FAM227B: variants seen among roughly 807,000 people sequenced by gnomAD.
The protein encoded by FAM227B is family with sequence similarity 227 member B.
A neutral mutation model predicts 73.8 loss-of-function variants in FAM227B; 88 were observed. That is an observed-to-expected ratio of 1.19 (90% CI 1.00 to 1.42). The LOEUF is 1.42. Ranked by LOEUF, FAM227B falls within the 40% of genes most tolerant of loss-of-function variation. The pLI, the probability that FAM227B is intolerant of heterozygous loss-of-function variation, is 0.00. For missense variants in FAM227B, 632 were observed against 590.9 expected (o/e 1.07, Z -0.72); for synonymous variants, 210 against 190.5 (o/e 1.10, Z -0.84).
At position 49,350,865 on chromosome 15, in the gene FAM227B, T is replaced by C. The variant is rs114225028; in HGVS notation, c.1272-15369A>G. 6.1e-3 allele frequency among the ~76,000 whole-genome samples: 930 copies of C among 152,232 alleles called. 12 individuals are homozygous for C. The highest frequency in any genetic ancestry group is 0.022 in the African/African-American group (901 of 41,534). On this transcript the variant is annotated intron_variant, in intron 13 of 15. Coordinates refer to ENST00000299338, the MANE Select transcript of FAM227B (RefSeq NM_152647.3). ...GTAGGGATAAATGGGAGTGAATAAG[T>C]ACAAAGGAGAGACTGCTGATAGGCT...
chr15:49,522,136 A>C (rs2059835112), intron 10 of FAM227B, among the ~76,000 whole-genome samples: 1 of 152,204 alleles, frequency 6.6e-6, no homozygotes, highest in Admixed American at 6.5e-5. Context: ...CAGCTACAAC[A>C]GGAGCCATTT....
intron 8 of FAM227B, among the ~76,000 whole-genome samples, chr15:49,569,460 G>C (rs1341146339): frequency 1.3e-5 from 2 of 151,666 alleles, no homozygotes; most frequent in East Asian, 1.9e-4. Context: ...CGGTGTGGTT[G>C]ATTTCAGATC....
At chr15:49,453,529 A>G (rs952930935) in intron 11 of FAM227B, among the ~76,000 whole-genome samples, 1 of 152,322 alleles carries the variant, frequency 6.6e-6, no homozygotes, top group Admixed American at 6.5e-5. Context: ...AGGGTTCAGT[A>G]GCCACATGTG....
intron 4 of FAM227B, among the ~76,000 whole-genome samples, chr15:49,588,816 T>A (rs1028864306): frequency 6.6e-6 from 1 of 150,912 alleles, no homozygotes; most frequent in African/African-American, 2.4e-5. Flanking sequence ...TATAAACTTT[T>A]AAAAATTTAC....
chr15:49,523,357 T>C (rs1228848816), intron 10 of FAM227B, among the ~76,000 whole-genome samples: 1 of 152,128 alleles, frequency 6.6e-6, no homozygotes, highest in Non-Finnish European at 1.5e-5. Flanking sequence ...CAAGATCTGA[T>C]AATTTAAAAA....
chr15:49,460,839 A>C (rs949435595), intron 11 of FAM227B, among the ~76,000 whole-genome samples: 1 of 152,198 alleles, frequency 6.6e-6, no homozygotes, highest in East Asian at 1.9e-4. Flanking sequence ...ATATCAAAGA[A>C]GAACATTGTT....
intron 11 of FAM227B, chr15:49,424,337 C>G: frequency 6.2e-7 from 1 of 1,613,586 alleles, no homozygotes; most frequent in Non-Finnish European, 8.5e-7. Flanking sequence ...GCCAACTTTG[C>G]TCTACAGATC....
chr15:49,501,699 C>A (rs2058149121), intron 11 of FAM227B, among the ~76,000 whole-genome samples: 1 of 152,204 alleles, frequency 6.6e-6, no homozygotes, highest in Non-Finnish European at 1.5e-5. Context: ...GTAGCAATGA[C>A]TTGCTAGAGA....
At chr15:49,360,948 C>T (rs1169256706) in intron 13 of FAM227B, among the ~76,000 whole-genome samples, 1 of 152,144 alleles carries the variant, frequency 6.6e-6, no homozygotes, top group African/African-American at 2.4e-5. Context: ...AATCCTTACA[C>T]ATAGACAATA....
chr15:49,422,956 A>C (rs1254017159), intron 11 of FAM227B: 1 of 361,818 alleles, frequency 2.8e-6, no homozygotes, highest in Non-Finnish European at 5.0e-6. Context: ...TCAAATGAAT[A>C]ATTTTCCAAG....
intron 11 of FAM227B, among the ~76,000 whole-genome samples, chr15:49,447,541 A>G (rs910299088): frequency 6.6e-6 from 1 of 151,704 alleles, no homozygotes; most frequent in Admixed American, 6.6e-5. Context: ...TTGGTAGCAT[A>G]TGCGTTGATG....
intron 8 of FAM227B, among the ~76,000 whole-genome samples, chr15:49,569,810 C>T (rs1034205130): frequency 2.6e-5 from 4 of 151,964 alleles, no homozygotes; most frequent in African/African-American, 9.7e-5. Context: ...GTAACTACTG[C>T]TCTGCTCTCT....
At chr15:49,543,905 G>C (rs775516063) in intron 9 of FAM227B, among the ~76,000 whole-genome samples, 2 of 152,098 alleles carry the variant, frequency 1.3e-5, no homozygotes, top group Non-Finnish European at 2.9e-5. Flanking sequence ...ACATAGCCTT[G>C]TAGTATAGTT....
intron 13 of FAM227B, among the ~76,000 whole-genome samples, chr15:49,362,805 C>T (rs538109779): frequency 1.3e-4 from 19 of 151,996 alleles, no homozygotes; most frequent in East Asian, 7.7e-4. Context: ...TTTTGTATGT[C>T]GTGTATGGAA....
chr15:49,373,662 T>C (rs905494586), intron 11 of FAM227B, among the ~76,000 whole-genome samples: 1 of 152,166 alleles, frequency 6.6e-6, no homozygotes, highest in African/African-American at 2.4e-5. Flanking sequence ...AATTATCCCC[T>C]ATTTATTTTA....
intron 11 of FAM227B, among the ~76,000 whole-genome samples, chr15:49,419,408 G>C (rs1404167196): frequency 1.3e-5 from 2 of 152,152 alleles, no homozygotes; most frequent in African/African-American, 4.8e-5. Flanking sequence ...TTTTACCCTA[G>C]TCAGGAAGCA....
chr15:49,567,075 A>G (rs984900617), intron 9 of FAM227B, among the ~76,000 whole-genome samples: 3 of 152,132 alleles, frequency 2.0e-5, no homozygotes, highest in African/African-American at 4.8e-5. Flanking sequence ...GATTTCATAA[A>G]ATCATGTAGG....
chr15:49,439,984 C>CGTTTA (rs1351383173), intron 11 of FAM227B, among the ~76,000 whole-genome samples: 7 of 151,648 alleles, frequency 4.6e-5, no homozygotes, highest in Non-Finnish European at 8.9e-5. Flanking sequence ...GGATTCAAAG[C>CGTTTA]GTTTATCACA....
intron 11 of FAM227B, among the ~76,000 whole-genome samples, chr15:49,401,753 A>G (rs1166974217): frequency 7.4e-6 from 1 of 135,678 alleles, no homozygotes; most frequent in East Asian, 2.1e-4. Flanking sequence ...TCGCAAGAAC[A>G]AAAAACCAAA....
Sources: allele counts gnomAD v4.1 joint callset (sites outside exome capture counted in the v4.1 genomes callset), GRCh38; gene constraint gnomAD v4.1.1; transcripts MANE v1.5; gene names NCBI Gene and HGNC (gene_info 2026-07-23, HGNC 2026-07-21).